The following ST3GAL3 variants were observed in gnomAD, a reference collection of about 807,000 sequenced individuals.
The protein encoded by ST3GAL3 is ST3 beta-galactoside alpha-2,3-sialyltransferase 3.
In ST3GAL3, 21 loss-of-function variants were observed where a neutral mutation model predicts 50.1. The observed-to-expected ratio is 0.42, with a 90% CI of 0.30 to 0.60. The LOEUF (loss-of-function observed/expected upper bound fraction) is 0.60. Among genes scored for constraint, ST3GAL3 ranks in the 20% least tolerant of loss-of-function variants. The pLI is 0.19. For missense variants in ST3GAL3, 353 were observed against 489.4 expected (o/e 0.72, Z 2.63); for synonymous variants, 183 against 190.0 (o/e 0.96, Z 0.30).
At chr1:43,736,537 T>C in intron 2 of ST3GAL3, 157 bp downstream of exon 2, 2 of 1,284,168 alleles carry the variant, frequency 1.6e-6, no homozygotes, top group South Asian at 1.2e-5. Flanking sequence ...CCATTTTAGC[T>C]GGTATAGGCT....
intron 1 of ST3GAL3, chr1:43,720,574 G>A (rs1669928058): frequency 6.6e-6 from 1 of 152,182 alleles, no homozygotes; most frequent in African/African-American, 2.4e-5. Flanking sequence ...GAGAGAGTGA[G>A]GGAGAGAGAG....
chr1:43,915,251 T>A (rs2081588825), intron 9 of ST3GAL3, among the ~76,000 whole-genome samples: 1 of 152,082 alleles, frequency 6.6e-6, no homozygotes, highest in South Asian at 2.1e-4. Flanking sequence ...TCAGGTCTCC[T>A]TTAGTAACCG....
At chr1:43,898,728 G>C (rs1198435259) in intron 7 of ST3GAL3, among the ~76,000 whole-genome samples, 1 of 152,132 alleles carries the variant, frequency 6.6e-6, no homozygotes, top group Non-Finnish European at 1.5e-5. Flanking sequence ...TCTAGTGGCT[G>C]CTGGGAGCCT....
intron 5 of ST3GAL3, among the ~76,000 whole-genome samples, chr1:43,848,300 T>TC (rs2066628258): frequency 1.4e-5 from 2 of 143,804 alleles, no homozygotes; most frequent in Non-Finnish European, 3.0e-5. Context: ...TTTTCTTTTT[T>TC]TTTTTTTTTT....
chr1:43,858,153 A>C, intron 5 of ST3GAL3: 1 of 1,289,426 alleles, frequency 7.8e-7, no homozygotes. Context: ...GAAATGGTGC[A>C]TGGAGACAAA....
intron 3 of ST3GAL3, among the ~76,000 whole-genome samples, chr1:43,798,357 C>T (rs2154158788): frequency 6.6e-6 from 1 of 152,316 alleles, no homozygotes; most frequent in Middle Eastern, 3.4e-3. Context: ...GAAGCCTCTC[C>T]AGTGACCTTA....
chr1:43,769,627 C>T (rs1331865482), intron 2 of ST3GAL3, among the ~76,000 whole-genome samples: 2 of 152,096 alleles, frequency 1.3e-5, no homozygotes, highest in Non-Finnish European at 2.9e-5. Context: ...TATTCAGTTC[C>T]TACCCCGTGA....
chr1:43,880,903 AT>A (rs1173996871), intron 5 of ST3GAL3, among the ~76,000 whole-genome samples: 1 of 152,138 alleles, frequency 6.6e-6, no homozygotes, highest in Non-Finnish European at 1.5e-5. Context: ...CTCAGTTGTC[AT>A]TGCTATTATT....
At chr1:43,749,755 C>A (rs1381495675) in intron 2 of ST3GAL3, among the ~76,000 whole-genome samples, 2 of 152,124 alleles carry the variant, frequency 1.3e-5, no homozygotes, top group African/African-American at 2.4e-5. Context: ...GAGATGGGAC[C>A]CTTTGGGAAG....
Position 43,736,367 on chromosome 1 carries a change from G to A in ST3GAL3, c.105G>A (p.Trp35Ter). The change falls in exon 2 of 12, where the codon TGG becomes TGA. Residue 35 changes from tryptophan (W) to a stop codon, truncating the protein, a stop_gained. Coordinates refer to ENST00000347631, the MANE Select transcript of ST3GAL3 (RefSeq NM_006279.5). LOFTEE classifies it high-confidence loss of function. ...YSAWKLHLLQWEEDSNSVVLS... is the reference protein window; with the variant it reads ...YSAWKLHLLQ ...CGTGGAAGCTACACTTACTCCAGTG[G>A]GAGGAGGACTCCAGTAAGTATAGTC... is the stretch of plus-strand genomic sequence containing the variant. 6.2e-7 allele frequency: 1 copy of A among 1,614,132 alleles called. No homozygotes were observed.
intron 3 of ST3GAL3, among the ~76,000 whole-genome samples, chr1:43,806,845 A>C (rs1048950916): frequency 6.6e-6 from 1 of 152,072 alleles, no homozygotes; most frequent in African/African-American, 2.4e-5. Flanking sequence ...GCACACCACC[A>C]TGCTCGGGTA....
At chr1:43,835,303 CCA>C (rs1225218672) in intron 4 of ST3GAL3, among the ~76,000 whole-genome samples, 1 of 152,058 alleles carries the variant, frequency 6.6e-6, no homozygotes, top group African/African-American at 2.4e-5. Context: ...GCTAACTGCC[CCA>C]GAGGTCCCAG....
chr1:43,845,921 T>C lies in ST3GAL3; in HGVS notation c.302+7610T>C, dbSNP rs140391162. Reference sequence around the variant, plus strand: ...TTAGTTCTTTGGAAGTGTTTTTGCTTAATTTCCTAATATTTGTGGGTGTTC... The same window carrying C: ...TTAGTTCTTTGGAAGTGTTTTTGCTCAATTTCCTAATATTTGTGGGTGTTC... On this transcript the variant is annotated intron_variant, in intron 5 of 11. Coordinates refer to ENST00000347631, the MANE Select transcript of ST3GAL3 (RefSeq NM_006279.5). 5.3e-4 allele frequency among the ~76,000 whole-genome samples: 81 copies of C among 152,346 alleles called. 1 individual carries two copies. The highest frequency in any genetic ancestry group is 1.8e-3 in the African/African-American group (74 of 41,592).
chr1:43,807,701 A>G (rs905377020), intron 3 of ST3GAL3, among the ~76,000 whole-genome samples: 1 of 152,232 alleles, frequency 6.6e-6, no homozygotes, highest in Non-Finnish European at 1.5e-5. Context: ...GGCCGAGAAG[A>G]GTAGAAATGG....
At chr1:43,782,036 G>A (rs952548017) in intron 2 of ST3GAL3, among the ~76,000 whole-genome samples, 9 of 152,030 alleles carry the variant, frequency 5.9e-5, no homozygotes, top group African/African-American at 1.2e-4. Context: ...ATTTGATAAC[G>A]TGTGGCTTCC....
chr1:43,809,992 C>CA (rs111982954), intron 3 of ST3GAL3, among the ~76,000 whole-genome samples: 1,791 of 78,222 alleles, frequency 0.023, 45 homozygotes, highest in East Asian at 0.082. Context: ...GACCCTGTCT[C>CA]AAAAAAAAAA....
chr1:43,884,636 T>G (rs2075684266), intron 5 of ST3GAL3, among the ~76,000 whole-genome samples: 1 of 152,224 alleles, frequency 6.6e-6, no homozygotes, highest in South Asian at 2.1e-4. Context: ...TGGATGACAG[T>G]CTCACCTTGT....
At chr1:43,793,851 G>A (rs2058372737) in intron 3 of ST3GAL3, among the ~76,000 whole-genome samples, 1 of 152,206 alleles carries the variant, frequency 6.6e-6, no homozygotes, top group Non-Finnish European at 1.5e-5. Flanking sequence ...GGGAGGCTGA[G>A]ACAGGAGGAC....
intron 5 of ST3GAL3, among the ~76,000 whole-genome samples, chr1:43,882,939 TTTTATTTATTTATTTA>T (rs899079997): frequency 8.7e-6 from 1 of 114,640 alleles, no homozygotes; most frequent in Non-Finnish European, 1.9e-5. Flanking sequence ...GTGCCCATTC[TTTTATTTATTTATTTA>T]TTTATTTATT....
Sources: gnomAD v4.1 joint callset for allele counts (sites outside exome capture counted in the v4.1 genomes callset) on GRCh38, gnomAD v4.1.1 for gene constraint, MANE v1.5 for transcripts, NCBI Gene and HGNC (gene_info 2026-07-23, HGNC 2026-07-21) for gene names.